NELL1: variants seen among roughly 807,000 people sequenced by gnomAD.
NELL1 encodes protein kinase C-binding protein NELL1.
Under a neutral mutation model 107.4 loss-of-function variants are expected in NELL1, and 76 were observed. The ratio of observed to expected loss-of-function variants is 0.71; its 90% CI spans 0.59 to 0.86. The LOEUF is 0.86. Among genes scored for constraint, NELL1 ranks in the 40% least tolerant of loss-of-function variants. The pLI is 0.00. For synonymous variants in NELL1, 353 were observed against 341.2 expected, an observed-to-expected ratio of 1.03 and a Z score of -0.38; for missense variants, 1,024 against 1,005.5, an observed-to-expected ratio of 1.02 and a Z score of -0.25.
chr11:21,192,218 CTAAAGA>C (rs1379841954), intron 13 of NELL1, among the ~76,000 whole-genome samples: 8 of 151,668 alleles, frequency 5.3e-5, no homozygotes, highest in African/African-American at 1.2e-4. Flanking sequence ...TTTAATTGAA[CTAAAGA>C]TAAAGTGGAA....
At chr11:20,955,274 G>A (rs1037879618) in intron 11 of NELL1, among the ~76,000 whole-genome samples, 1 of 152,144 alleles carries the variant, frequency 6.6e-6, no homozygotes, top group Admixed American at 6.5e-5. Flanking sequence ...TTTGACTGAG[G>A]CAATCACCAG....
intron 14 of NELL1, among the ~76,000 whole-genome samples, chr11:21,343,489 T>A (rs1486453728): frequency 6.6e-6 from 1 of 152,184 alleles, no homozygotes; most frequent in African/African-American, 2.4e-5. Context: ...AATGTTTTTT[T>A]AATTACTCTG....
intron 5 of NELL1, among the ~76,000 whole-genome samples, chr11:20,891,689 CA>C (rs995126156): frequency 6.6e-6 from 1 of 151,220 alleles, no homozygotes; most frequent in Non-Finnish European, 1.5e-5. Context: ...AAATGGAAGG[CA>C]AAAAAAGGCA....
chr11:21,505,211 A>G (rs1855250664), intron 15 of NELL1, among the ~76,000 whole-genome samples: 1 of 152,182 alleles, frequency 6.6e-6, no homozygotes, highest in Non-Finnish European at 1.5e-5. Flanking sequence ...TGTTCCCAAG[A>G]TAGTGCCTCA....
At chr11:20,823,224 G>A (rs1205040171) in intron 3 of NELL1, among the ~76,000 whole-genome samples, 1 of 151,384 alleles carries the variant, frequency 6.6e-6, no homozygotes, top group Non-Finnish European at 1.5e-5. Context: ...CATCTTACAT[G>A]AATGGTAGCA....
intron 12 of NELL1, among the ~76,000 whole-genome samples, chr11:20,996,797 C>G (rs1425387275): frequency 6.6e-6 from 1 of 152,164 alleles, no homozygotes; most frequent in Admixed American, 6.5e-5. Flanking sequence ...TCTGCCCTCT[C>G]TAGGGTTTTT....
chr11:21,213,448 A>G (rs1004456106), intron 13 of NELL1, among the ~76,000 whole-genome samples: 1 of 152,182 alleles, frequency 6.6e-6, no homozygotes, highest in African/African-American at 2.4e-5. Flanking sequence ...ATTTTTTTAT[A>G]GATACTGTAA....
chr11:20,799,345 G>A (rs560951925), intron 3 of NELL1, among the ~76,000 whole-genome samples: 1 of 152,280 alleles, frequency 6.6e-6, no homozygotes, highest in East Asian at 1.9e-4. Context: ...GACAAAGTGT[G>A]ATATTTATAC....
intron 15 of NELL1, among the ~76,000 whole-genome samples, chr11:21,372,991 CAG>C (rs1851391532): frequency 6.6e-6 from 1 of 151,958 alleles, no homozygotes; most frequent in Admixed American, 6.6e-5. Flanking sequence ...AAAAGTTAGA[CAG>C]AGATAGGCAA....
intron 12 of NELL1, among the ~76,000 whole-genome samples, chr11:21,083,959 G>T (rs1368732889): frequency 6.6e-6 from 1 of 152,120 alleles, no homozygotes; most frequent in East Asian, 1.9e-4. Flanking sequence ...TATACAAGGA[G>T]CCTTATAAAA....
chr11:20,797,398 A>G (rs957665658), intron 3 of NELL1, among the ~76,000 whole-genome samples: 1 of 151,954 alleles, frequency 6.6e-6, no homozygotes, highest in Non-Finnish European at 1.5e-5. Flanking sequence ...TCCAGTCTCT[A>G]CTAAAAATAC....
At chr11:21,372,820 T>C (rs895717264) in intron 15 of NELL1, among the ~76,000 whole-genome samples, 1 of 152,036 alleles carries the variant, frequency 6.6e-6, no homozygotes, top group African/African-American at 2.4e-5. Context: ...GGGCCTGTGA[T>C]CAGTAGCAGA....
intron 15 of NELL1, among the ~76,000 whole-genome samples, chr11:21,515,675 C>T (rs12292593): frequency 0.21 from 32,356 of 152,030 alleles, 3,901 homozygotes; most frequent in African/African-American, 0.32. Context: ...ACATCCATTA[C>T]GGTTCCATGC....
intron 13 of NELL1, among the ~76,000 whole-genome samples, chr11:21,125,888 T>G (rs564188561): frequency 6.6e-6 from 1 of 152,282 alleles, no homozygotes; most frequent in South Asian, 2.1e-4. Context: ...CTGCCCCAAG[T>G]AGGGTATTTA....
chr11:20,809,167 G>A (rs374812956), intron 3 of NELL1, among the ~76,000 whole-genome samples: 4 of 152,058 alleles, frequency 2.6e-5, no homozygotes, highest in African/African-American at 9.7e-5. Flanking sequence ...TTGGTGAAGT[G>A]TTTTTGTTTA....
intron 15 of NELL1, among the ~76,000 whole-genome samples, chr11:21,511,033 G>A (rs1385164063): frequency 6.6e-6 from 1 of 152,076 alleles, no homozygotes; most frequent in Non-Finnish European, 1.5e-5. Flanking sequence ...CTCCTCATCT[G>A]TAAAATAAGG....
At chr11:21,473,621 G>A (rs893230483) in intron 15 of NELL1, among the ~76,000 whole-genome samples, 1 of 152,012 alleles carries the variant, frequency 6.6e-6, no homozygotes, top group Non-Finnish European at 1.5e-5. Flanking sequence ...TGTCCCCATA[G>A]CTAACTTGGC....
chr11:20,706,769 C>T (rs1024314997), intron 2 of NELL1, among the ~76,000 whole-genome samples: 4 of 152,044 alleles, frequency 2.6e-5, no homozygotes, highest in African/African-American at 7.2e-5. Context: ...ATGGGCTTCC[C>T]TTTGTGGGTA....
intron 14 of NELL1, among the ~76,000 whole-genome samples, chr11:21,289,634 G>A (rs1197172574): frequency 6.6e-6 from 1 of 152,144 alleles, no homozygotes; most frequent in East Asian, 1.9e-4. Context: ...TCATACTCCA[G>A]TGGCACCTGG....
Sources: allele counts gnomAD v4.1 joint callset (sites outside exome capture counted in the v4.1 genomes callset), GRCh38; gene constraint gnomAD v4.1.1; transcripts MANE v1.5; gene names NCBI Gene and HGNC (gene_info 2026-07-23, HGNC 2026-07-21).